Variants in CIST1 observed in about 807,000 individuals in gnomAD.
CIST1 encodes uncharacterized LOC729966.
At chr19:18,252,143 C>A in the CIST1 span, 1 of 398,640 alleles carries the variant, frequency 2.5e-6, no homozygotes, top group Non-Finnish European at 4.4e-6. Flanking sequence ...GGCTCCAGTG[C>A]GGGGTCAGGG....
the CIST1 span, chr19:18,252,453 T>C: frequency 2.5e-6 from 1 of 398,888 alleles, no homozygotes; most frequent in African/African-American, 2.1e-5. Context: ...CTCCATACTG[T>C]TCTCTGAGGT....
the CIST1 span, chr19:18,250,129 C>T: frequency 7.5e-6 from 3 of 398,660 alleles, no homozygotes; most frequent in South Asian, 1.3e-4. Context: ...CTCCTCAGGG[C>T]TCACTCCTGG....
At chr19:18,255,333 G>A in the CIST1 span, 13 of 398,718 alleles carry the variant, frequency 3.3e-5, no homozygotes, top group South Asian at 3.8e-4. The surrounding 1 kb of genome is among the most constrained non-coding windows in gnomAD (Gnocchi z 4.6). Flanking sequence ...GCCTGCCACC[G>A]GCTCTGCACA....
At chr19:18,254,375 C>A in the CIST1 span, among the ~76,000 whole-genome samples, 1 of 152,200 alleles carries the variant, frequency 6.6e-6, no homozygotes, top group Non-Finnish European at 1.5e-5. Flanking sequence ...TGTTGAGTGC[C>A]TGGCACTGAG....
At chr19:18,250,046 T>C in the CIST1 span, 260 of 398,680 alleles carry the variant, frequency 6.5e-4, no homozygotes, top group Non-Finnish European at 1.1e-3. Context: ...GGATGAATGG[T>C]AGGGGCTTTA....
chr19:18,250,086 C>A, the CIST1 span: 1 of 398,768 alleles, frequency 2.5e-6, no homozygotes, highest in Non-Finnish European at 4.4e-6. Flanking sequence ...TCCCCAGGAA[C>A]CCCAGCCCCA....
the CIST1 span, among the ~76,000 whole-genome samples, chr19:18,251,128 C>CT: frequency 6.7e-6 from 1 of 149,060 alleles, no homozygotes; most frequent in Non-Finnish European, 1.5e-5. Context: ...GAGATAGAGT[C>CT]TTTTTTTTCC....
the CIST1 span, among the ~76,000 whole-genome samples, chr19:18,251,703 T>TGCCCCCGCCCCCGCCCCCGCCCC: frequency 1.5e-5 from 1 of 68,804 alleles, no homozygotes; most frequent in African/African-American, 8.0e-5. Flanking sequence ...GCCCCCGCCC[T>TGCCCCCGCCCCCGCCCCCGCCCC]CGGCCTCCCA....
chr19:18,251,703 T>TCCCGCCCC, the CIST1 span, among the ~76,000 whole-genome samples: 1 of 68,804 alleles, frequency 1.5e-5, no homozygotes, highest in Admixed American at 1.4e-4. Flanking sequence ...GCCCCCGCCC[T>TCCCGCCCC]CGGCCTCCCA....
chr19:18,252,007 C>G, the CIST1 span: 1 of 398,608 alleles, frequency 2.5e-6, no homozygotes, highest in Non-Finnish European at 4.4e-6. Flanking sequence ...AGTTCCAAAA[C>G]TGCAGCCTGT....
chr19:18,250,579 T>A, the CIST1 span: 1 of 397,700 alleles, frequency 2.5e-6, no homozygotes, highest in Middle Eastern at 6.3e-4. Context: ...AGCTGACCTC[T>A]CTTCCCTCTC....
At chr19:18,254,200 A>C in the CIST1 span, among the ~76,000 whole-genome samples, 20 of 152,268 alleles carry the variant, frequency 1.3e-4, no homozygotes, top group African/African-American at 4.6e-4. Context: ...GGGAGCTGGG[A>C]AGAACGCCCC....
chr19:18,252,420 A>G, the CIST1 span: 2 of 398,872 alleles, frequency 5.0e-6, no homozygotes, highest in South Asian at 1.3e-4. Context: ...GGGAGAAGAA[A>G]TCAGAGAGCT....
the CIST1 span, chr19:18,250,015 C>T: frequency 7.5e-6 from 3 of 398,204 alleles, no homozygotes; most frequent in South Asian, 1.3e-4. Context: ...GTCCATAACT[C>T]GTGTTTTCAC....
At chr19:18,252,765 G>A in the CIST1 span, among the ~76,000 whole-genome samples, 3 of 152,010 alleles carry the variant, frequency 2.0e-5, no homozygotes, top group African/African-American at 4.8e-5. Context: ...TTACAGGCGT[G>A]CATTACCACG....
the CIST1 span, chr19:18,255,102 T>C: frequency 0.028 from 11,016 of 394,016 alleles, 1,075 homozygotes; most frequent in African/African-American, 0.2. This position sits in a 1 kb window ranked among gnomAD's most constrained non-coding sequence, Gnocchi z 4.6. Context: ...CCTCGGAGGG[T>C]TGGCGGACCA....
the CIST1 span, among the ~76,000 whole-genome samples, chr19:18,254,056 A>G: frequency 3.9e-5 from 6 of 152,094 alleles, no homozygotes; most frequent in African/African-American, 1.4e-4. Context: ...CCAGATCTCT[A>G]TGTAGCCCCC....
At chr19:18,253,563 A>AACAC in the CIST1 span, among the ~76,000 whole-genome samples, 3,684 of 141,720 alleles carry the variant, frequency 0.026, 59 homozygotes, top group African/African-American at 0.033. Context: ...AAAAAAAAAA[A>AACAC]ACACACACAC....
the CIST1 span, chr19:18,255,231 G>A: frequency 2.5e-6 from 1 of 399,062 alleles, no homozygotes; most frequent in Non-Finnish European, 4.4e-6. This position sits in a 1 kb window ranked among gnomAD's most constrained non-coding sequence, Gnocchi z 4.6. Flanking sequence ...TGTAAAGGGA[G>A]TATTGTAATT....
Sources: allele counts gnomAD v4.1 joint callset (sites outside exome capture counted in the v4.1 genomes callset), GRCh38; gene constraint gnomAD v4.1.1; non-coding constraint Gnocchi (gnomAD v3.1); transcripts MANE v1.5; gene names NCBI Gene and HGNC (gene_info 2026-07-23, HGNC 2026-07-21).